Variants in NYAP2 observed in about 807,000 individuals in gnomAD.
NYAP2 encodes the protein neuronal tyrosine-phosphorylated phosphoinositide-3-kinase adapter 2.
NYAP2 carries 23 observed loss-of-function variants against 50.4 expected under a neutral mutation model. That is an observed-to-expected ratio of 0.46 (90% CI 0.33 to 0.65). The LOEUF (loss-of-function observed/expected upper bound fraction) is 0.65. NYAP2 is among the 30% of genes least tolerant of loss of function. The pLI, the probability that NYAP2 is intolerant of heterozygous loss-of-function variation, is 0.02. For synonymous variants in NYAP2, 394 were observed against 365.2 expected (o/e 1.08, Z -0.90); for missense variants, 885 against 861.0 (o/e 1.03, Z -0.35).
chr2:225,507,568 G>T (rs1235765508), intron 3 of NYAP2, among the ~76,000 whole-genome samples: 5 of 152,204 alleles, frequency 3.3e-5, no homozygotes, highest in African/African-American at 1.2e-4. Context: ...GGCTACAGTT[G>T]CCTAGATTAT....
At chr2:225,613,626 G>A (rs759762669) in intron 5 of NYAP2, among the ~76,000 whole-genome samples, 11 of 152,156 alleles carry the variant, frequency 7.2e-5, no homozygotes, top group Non-Finnish European at 1.5e-4. Context: ...CACTTAATAC[G>A]TGGTAGCTCT....
At chr2:225,626,887 T>C in intron 5 of NYAP2, 30 bp from the exon 6 acceptor site, 1 of 1,481,868 alleles carries the variant, frequency 6.7e-7, no homozygotes, top group Non-Finnish European at 9.2e-7. Flanking sequence ...TACTCTTGTT[T>C]AACAGAATGT....
chr2:225,600,675 C>A (rs933594735), intron 5 of NYAP2, among the ~76,000 whole-genome samples: 3 of 152,158 alleles, frequency 2.0e-5, no homozygotes, highest in African/African-American at 2.4e-5. Context: ...ACAATCATCA[C>A]CACTCAAGAG....
intron 4 of NYAP2, among the ~76,000 whole-genome samples, chr2:225,568,902 G>GC (rs1414642832): frequency 6.6e-6 from 1 of 152,124 alleles, no homozygotes; most frequent in Non-Finnish European, 1.5e-5. Flanking sequence ...TACTCTGAAG[G>GC]TTTCCTGAAA....
At chr2:225,638,793 T>G (rs1210632199) in intron 6 of NYAP2, among the ~76,000 whole-genome samples, 2 of 152,030 alleles carry the variant, frequency 1.3e-5, no homozygotes, top group Non-Finnish European at 1.5e-5. Context: ...TTTCCCCATC[T>G]CTCCTGCTCT....
chr2:225,506,961 A>C (rs978779065), intron 3 of NYAP2, among the ~76,000 whole-genome samples: 38 of 152,148 alleles, frequency 2.5e-4, no homozygotes, highest in African/African-American at 9.2e-4. Context: ...AAGTTTGCAA[A>C]GGTAGAAATA....
At chr2:225,425,857 C>T (rs1695279058) in intron 3 of NYAP2, among the ~76,000 whole-genome samples, 1 of 151,908 alleles carries the variant, frequency 6.6e-6, no homozygotes, top group African/African-American at 2.4e-5. Context: ...ACTAATTGGA[C>T]ATACATGTCA....
At chr2:225,489,996 C>A (rs536692033) in intron 3 of NYAP2, among the ~76,000 whole-genome samples, 3 of 152,262 alleles carry the variant, frequency 2.0e-5, no homozygotes, top group South Asian at 2.1e-4. Context: ...GTTTGAGAAA[C>A]AATGCAAACT....
chr2:225,475,555 C>T (rs899660684), intron 3 of NYAP2, among the ~76,000 whole-genome samples: 15 of 152,104 alleles, frequency 9.9e-5, no homozygotes, highest in African/African-American at 3.4e-4. Flanking sequence ...TGACATTTTT[C>T]TGTGTTTGTG....
intron 4 of NYAP2, among the ~76,000 whole-genome samples, chr2:225,555,277 A>G (rs1264109905): frequency 6.6e-6 from 1 of 152,156 alleles, no homozygotes; most frequent in Non-Finnish European, 1.5e-5. Context: ...TTAAAAATAT[A>G]TTCTGTGCAC....
At chr2:225,498,166 A>G (rs1690540829) in intron 3 of NYAP2, among the ~76,000 whole-genome samples, 1 of 151,916 alleles carries the variant, frequency 6.6e-6, no homozygotes, top group African/African-American at 2.4e-5. Context: ...ATGCCATGGG[A>G]GATAAAGGAA....
At chr2:225,632,566 A>G (rs1211897794) in intron 6 of NYAP2, among the ~76,000 whole-genome samples, 2 of 152,220 alleles carry the variant, frequency 1.3e-5, no homozygotes, top group Non-Finnish European at 2.9e-5. Context: ...TCTAATTAAC[A>G]TTAACACTGG....
At chr2:225,620,336 C>T (rs1693067730) in intron 5 of NYAP2, among the ~76,000 whole-genome samples, 1 of 152,082 alleles carries the variant, frequency 6.6e-6, no homozygotes, top group African/African-American at 2.4e-5. Flanking sequence ...TAGAAAACAC[C>T]TTGGTTAGGA....
intron 4 of NYAP2, among the ~76,000 whole-genome samples, chr2:225,569,270 A>G (rs1360471817): frequency 6.6e-6 from 1 of 152,242 alleles, no homozygotes; most frequent in East Asian, 1.9e-4. Flanking sequence ...GACAGACTTC[A>G]GTCTTTCTTT....
At chr2:225,456,508 A>G (rs1415370637) in intron 3 of NYAP2, among the ~76,000 whole-genome samples, 1 of 152,196 alleles carries the variant, frequency 6.6e-6, no homozygotes, top group African/African-American at 2.4e-5. Context: ...TTTGGAGAAT[A>G]AACCTGAGAG....
At chr2:225,486,535 A>T (rs921545521) in intron 3 of NYAP2, among the ~76,000 whole-genome samples, 5 of 152,204 alleles carry the variant, frequency 3.3e-5, no homozygotes, top group Non-Finnish European at 7.3e-5. Flanking sequence ...TATTAGGTAC[A>T]CTTGATCTCT....
chr2:225,559,004 AT>A lies in NYAP2; in HGVS notation c.524-22933del, dbSNP rs537770992. Reference sequence around the variant, plus strand: ...GGAGTTTTAGTCACTCCTTGAGGATATTTTATGACAACCTGGAGAAATTGTT... The same window carrying A: ...GGAGTTTTAGTCACTCCTTGAGGATATTTATGACAACCTGGAGAAATTGTT... On this transcript the variant is annotated intron_variant, in intron 4 of 6. Coordinates refer to ENST00000636099, the Ensembl canonical transcript of NYAP2. Among the ~76,000 whole-genome samples, 1,129 of 152,168 alleles carry A rather than the reference AT, an allele frequency of 7.4e-3. 26 individuals carry two copies. Among genetic ancestry groups the A allele is most frequent in the African/African-American group, 0.026 (1,084 of 41,522 alleles).
the NYAP2 span, among the ~76,000 whole-genome samples, chr2:225,693,685 T>G: frequency 6.6e-6 from 1 of 151,986 alleles, no homozygotes; most frequent in Non-Finnish European, 1.5e-5. Context: ...GGAAGAGCTC[T>G]CTTGGGATTA....
the NYAP2 span, among the ~76,000 whole-genome samples, chr2:225,671,278 C>T: frequency 6.6e-6 from 1 of 152,238 alleles, no homozygotes. Context: ...CCTGACACTG[C>T]TTTATCAACT....
Sources: allele counts gnomAD v4.1 joint callset (sites outside exome capture counted in the v4.1 genomes callset), GRCh38; gene constraint gnomAD v4.1.1; transcripts MANE v1.5; gene names NCBI Gene and HGNC (gene_info 2026-07-23, HGNC 2026-07-21).